The following CFTR variants were observed in gnomAD, a reference collection of about 807,000 sequenced individuals.
CFTR encodes cystic fibrosis transmembrane conductance regulator.
Under a neutral mutation model 171.6 loss-of-function variants are expected in CFTR, and 181 were observed. That is an observed-to-expected ratio of 1.05 (90% confidence interval 0.93 to 1.19). The LOEUF is 1.19. CFTR is among the 50% of genes most tolerant of loss of function. The pLI is 0.00. For missense variants in CFTR, 1,968 were observed against 1,734.7 expected (o/e 1.13, Z -2.39); for synonymous variants, 583 against 608.0 (o/e 0.96, Z 0.60).
intron 1 of CFTR, among the ~76,000 whole-genome samples, chr7:117,501,030 G>A (rs1428093710): frequency 6.6e-6 from 1 of 152,108 alleles, no homozygotes; most frequent in African/African-American, 2.4e-5. Flanking sequence ...GACCAAAAGA[G>A]TTACGTTTAT....
At chr7:117,608,308 G>A (rs956272796) in intron 18 of CFTR, among the ~76,000 whole-genome samples, 2 of 151,984 alleles carry the variant, frequency 1.3e-5, no homozygotes, top group African/African-American at 2.4e-5. Context: ...CGGTTCAAGC[G>A]ATTCTCTCGC....
At chr7:117,508,939 A>C in intron 2 of CFTR, 95 bp from the exon 3 acceptor site, 1 of 824,690 alleles carries the variant, frequency 1.2e-6, no homozygotes, top group Non-Finnish European at 2.1e-6. Context: ...ATCTCCTTGG[A>C]TATACTTGTG....
At position 117,560,224 on chromosome 7, in the gene CFTR, A is replaced by G. The variant is rs533907236; in HGVS notation, c.1584+569A>G. Reference sequence around the variant, plus strand: ...GCAGAGGCAAAATGAAGATGATGTCATTACTCATTTCACAACAATATTGGA... The same window carrying G: ...GCAGAGGCAAAATGAAGATGATGTCGTTACTCATTTCACAACAATATTGGA... On this transcript the variant is annotated intron_variant, in intron 11 of 26. Coordinates refer to ENST00000003084, the MANE Select transcript of CFTR (RefSeq NM_000492.4). 7.2e-5 allele frequency among the ~76,000 whole-genome samples: 11 copies of G among 152,224 alleles called. No homozygotes were observed. In the East Asian group the frequency reaches 9.7e-4, roughly 13 times the overall value.
intron 3 of CFTR, among the ~76,000 whole-genome samples, chr7:117,529,719 G>T (rs1351260760): frequency 6.6e-6 from 1 of 152,024 alleles, no homozygotes; most frequent in Admixed American, 6.6e-5. Context: ...AGAATGATGG[G>T]GCTGGAGGTA....
Position 117,664,740 on chromosome 7 carries a change from T to C in CFTR, c.4016T>C (p.Leu1339Pro), listed in dbSNP as rs544710550. The C allele has an allele frequency of 3.1e-6, 5 of 1,614,042 alleles. No individual in the cohort carries two copies. In the South Asian group the frequency reaches 5.5e-5, roughly 18 times the overall value. The change falls in exon 25 of 27, where the codon CTT becomes CCT. Residue 1339 changes from leucine to proline, a missense_variant. Coordinates refer to ENST00000003084, the MANE Select transcript of CFTR (RefSeq NM_000492.4). ...EQFPGKLDFV[L>P]VDGGCVLSHG... ...TTTCCTGGGAAGCTTGACTTTGTCC[T>C]TGTGGATGGGGGCTGTGTCCTAAGC...
chr7:117,535,146 T>A, intron 5 of CFTR, 102 bp from the exon 6 acceptor site: 1 of 1,232,570 alleles, frequency 8.1e-7, no homozygotes, highest in Non-Finnish European at 1.2e-6. Context: ...AAGTGTTTGA[T>A]CATATAAGCT....
intron 11 of CFTR, among the ~76,000 whole-genome samples, chr7:117,561,651 G>GA (rs1799466986): frequency 1.3e-5 from 2 of 152,094 alleles, no homozygotes; most frequent in African/African-American, 4.8e-5. Context: ...ATTAAGACTT[G>GA]CTTTATTTTA....
rs549889136 is a variant in CFTR at position 117,510,471 on chromosome 7, G to C, written c.273+1329G>C. Among the ~76,000 whole-genome samples the C allele has an allele frequency of 1.7e-4, 26 of 152,244 alleles. No individual in the cohort carries two copies. In the East Asian group the frequency reaches 5.0e-3, roughly 29 times the overall value. On this transcript the variant is annotated intron_variant, in intron 3 of 26. Transcript: ENST00000003084. ...AAGTGATTGTTGGATTGAAGTGAAT[G>C]ATATTTCAAGTAATTGTTATGTCAT...
chr7:117,634,381 T>G (rs1413550286), intron 22 of CFTR, among the ~76,000 whole-genome samples: 2 of 152,090 alleles, frequency 1.3e-5, no homozygotes, highest in Non-Finnish European at 2.9e-5. Context: ...TTTATTTTGC[T>G]TTGTTAGCCA....
chr7:117,483,557 CTTTTG>C (rs1322544892), intron 1 of CFTR, among the ~76,000 whole-genome samples: 2 of 151,872 alleles, frequency 1.3e-5, no homozygotes, highest in African/African-American at 4.8e-5. Flanking sequence ...AAAGACAATT[CTTTTG>C]TTTGTTTGTT....
intron 10 of CFTR, among the ~76,000 whole-genome samples, chr7:117,558,795 C>A (rs1013836898): frequency 3.3e-5 from 5 of 151,984 alleles, no homozygotes; most frequent in African/African-American, 1.2e-4. Context: ...ACACTTATAC[C>A]CCATTTCCTT....
At chr7:117,559,987 G>T (rs1389166267) in intron 11 of CFTR, among the ~76,000 whole-genome samples, 1 of 151,280 alleles carries the variant, frequency 6.6e-6, no homozygotes, top group Non-Finnish European at 1.5e-5. Context: ...AGTGATATGT[G>T]GTATCTTTTT....
At chr7:117,511,125 A>G (rs1419153767) in intron 3 of CFTR, among the ~76,000 whole-genome samples, 2 of 152,142 alleles carry the variant, frequency 1.3e-5, no homozygotes, top group Non-Finnish European at 2.9e-5. Flanking sequence ...GGTTCTGCTG[A>G]GCTTCTCTGC....
chr7:117,626,566 C>T (rs757397991), intron 21 of CFTR, among the ~76,000 whole-genome samples: 67 of 152,124 alleles, frequency 4.4e-4, no homozygotes, highest in Non-Finnish European at 8.8e-4. Context: ...GATTGAGCCA[C>T]AGGATCAAAG....
intron 15 of CFTR, among the ~76,000 whole-genome samples, chr7:117,597,221 C>G (rs1355836808): frequency 2.6e-5 from 4 of 152,146 alleles, no homozygotes; most frequent in Non-Finnish European, 4.4e-5. Flanking sequence ...CTCCTGAAGC[C>G]AGCGAGATCA....
At position 117,594,906 on chromosome 7, in the gene CFTR, A is replaced by G. The variant is rs200412567; in HGVS notation, c.2491-24A>G. 9 of 1,610,106 alleles carry G rather than the reference A, an allele frequency of 5.6e-6. No homozygotes were observed. The African/African-American group carries it at 1.1e-4, about 19-fold the overall frequency. Reference sequence around the variant, plus strand: ...GCATGAAACTGTACTGTCTTATTGTAATAGCCATAATTCTTTTATTCAGGA... The same window carrying G: ...GCATGAAACTGTACTGTCTTATTGTGATAGCCATAATTCTTTTATTCAGGA... On this transcript the variant is annotated intron_variant, in intron 14 of 26. Transcript: ENST00000003084.
At position 117,591,989 on chromosome 7, in the gene CFTR, G is replaced by C; in HGVS notation, c.1822G>C (p.Glu608Gln). 1 of 1,597,768 alleles carries C rather than the reference G, an allele frequency of 6.3e-7. No homozygotes were observed. The highest frequency in any genetic ancestry group is 1.4e-5 in the African/African-American group (1 of 73,754). The change falls in exon 14 of 27, where the codon GAA becomes CAA. Residue 608 changes from glutamate to glutamine, a missense_variant. Physicochemically the swap from Glu to Gln is conservative, Grantham distance 29. Transcript: ENST00000003084. The part of the protein sequence containing the change: ...KTRILVTSKM[E>Q]HLKKADKILI... ...TAGGATTTTGGTCACTTCTAAAATGGAACATTTAAAGAAAGCTGACAAAAT... is the reference window on the plus strand; with the variant it reads ...TAGGATTTTGGTCACTTCTAAAATGCAACATTTAAAGAAAGCTGACAAAAT...
intron 11 of CFTR, among the ~76,000 whole-genome samples, chr7:117,578,442 G>T (rs1185373098): frequency 2.6e-5 from 4 of 152,050 alleles, no homozygotes; most frequent in African/African-American, 9.7e-5. Context: ...TTAATTGACT[G>T]CTTATGTTAT....
At chr7:117,654,141 A>C (rs1793128983) in intron 24 of CFTR, among the ~76,000 whole-genome samples, 1 of 152,108 alleles carries the variant, frequency 6.6e-6, no homozygotes, top group Non-Finnish European at 1.5e-5. Context: ...TCTGTGCTCC[A>C]ATCCCACACC....
Sources: gnomAD v4.1 joint callset for allele counts (sites outside exome capture counted in the v4.1 genomes callset) on GRCh38, gnomAD v4.1.1 for gene constraint, MANE v1.5 for transcripts, NCBI Gene and HGNC (gene_info 2026-07-23, HGNC 2026-07-21) for gene names.